GRM8: variants seen among roughly 807,000 people sequenced by gnomAD.
GRM8 encodes metabotropic glutamate receptor 8.
Under a neutral mutation model 87.2 loss-of-function variants are expected in GRM8, and 47 were observed. That is an observed-to-expected ratio of 0.54 (90% CI 0.43 to 0.69). GRM8 has a LOEUF of 0.69. Ranked by LOEUF, GRM8 falls within the 30% of genes least tolerant of loss-of-function variation. The probability of loss-of-function intolerance (pLI) is 0.00; values close to 1 mark genes in which losing one functional copy is unlikely to be tolerated. For missense variants in GRM8, 1,019 were observed against 1,139.2 expected (o/e 0.89, Z 1.52); for synonymous variants, 396 against 404.5 (o/e 0.98, Z 0.25).
intron 3 of GRM8, among the ~76,000 whole-genome samples, chr7:127,071,801 C>T (rs1821719732): frequency 6.6e-6 from 1 of 150,736 alleles, no homozygotes; most frequent in South Asian, 2.1e-4. Flanking sequence ...TTTTTTTTTG[C>T]CAGAAATAAA....
At chr7:126,507,082 G>T (rs979931135) in intron 9 of GRM8, among the ~76,000 whole-genome samples, 2 of 152,078 alleles carry the variant, frequency 1.3e-5, no homozygotes, top group African/African-American at 4.8e-5. Flanking sequence ...TTTACTTTCC[G>T]CAAGTAATTT....
rs373098154 is a variant in GRM8 at position 126,439,082 on chromosome 7, T to C, written c.*37A>G. 5 of 1,262,194 alleles carry C rather than the reference T, an allele frequency of 4.0e-6. No homozygotes were observed. The highest frequency in any genetic ancestry group is 5.8e-6 in the Non-Finnish European group (5 of 859,246). 78.2% of individuals were successfully genotyped at this position (1,262,194 alleles called of 1,614,324 possible). On this transcript the variant is annotated 3_prime_UTR_variant, in exon 11 of 11. Transcript: ENST00000339582. Reference sequence around the variant, plus strand: ...GTCTCATGTTCATCATTTAAGATCATATACCACATCTCTTCAGATTGTGCC... The same window carrying C: ...GTCTCATGTTCATCATTTAAGATCACATACCACATCTCTTCAGATTGTGCC...
At chr7:127,223,500 C>T (rs1219915871) in intron 2 of GRM8, among the ~76,000 whole-genome samples, 3 of 150,896 alleles carry the variant, frequency 2.0e-5, no homozygotes, top group African/African-American at 7.3e-5. Context: ...ACTGTGGACC[C>T]ACCCATACAA....
chr7:126,925,837 C>T (rs963888758), intron 3 of GRM8, among the ~76,000 whole-genome samples: 6 of 152,202 alleles, frequency 3.9e-5, no homozygotes, highest in Middle Eastern at 3.2e-3. Context: ...ACTTACTCTT[C>T]TCCTTCTTCT....
At chr7:126,600,002 T>C (rs894138949) in intron 8 of GRM8, among the ~76,000 whole-genome samples, 6 of 152,280 alleles carry the variant, frequency 3.9e-5, no homozygotes, top group Admixed American at 3.9e-4. Flanking sequence ...CAATGGCCTA[T>C]ATGTTCTTCC....
intron 2 of GRM8, among the ~76,000 whole-genome samples, chr7:127,226,088 T>C (rs1587326817): frequency 6.6e-6 from 1 of 152,210 alleles, no homozygotes; most frequent in South Asian, 2.1e-4. Context: ...ATATAATCAG[T>C]AGTGGCACTG....
chr7:126,496,970 A>T (rs1300342893), intron 9 of GRM8, among the ~76,000 whole-genome samples: 12 of 142,994 alleles, frequency 8.4e-5, no homozygotes, highest in East Asian at 2.1e-4. Context: ...TGAGTTTTGG[A>T]TTTTTTTTTT....
intron 3 of GRM8, among the ~76,000 whole-genome samples, chr7:127,056,822 T>C (rs1172583300): frequency 6.6e-6 from 1 of 152,202 alleles, no homozygotes. Context: ...CCATTTCAAA[T>C]TCCATCAAAA....
At chr7:126,508,322 CA>C (rs143668410) in intron 9 of GRM8, among the ~76,000 whole-genome samples, 29,525 of 151,586 alleles carry the variant, frequency 0.19, 3,372 homozygotes, top group Non-Finnish European at 0.24. Flanking sequence ...AATCCAAGAT[CA>C]AAGAGCTGTT....
At chr7:126,931,466 C>T (rs1266614917) in intron 3 of GRM8, among the ~76,000 whole-genome samples, 1 of 152,026 alleles carries the variant, frequency 6.6e-6, no homozygotes, top group Admixed American at 6.5e-5. Context: ...GGTTAACAAA[C>T]AATAGATTAA....
intron 7 of GRM8, among the ~76,000 whole-genome samples, chr7:126,741,991 C>A (rs532995080): frequency 6.6e-6 from 1 of 152,136 alleles, no homozygotes; most frequent in East Asian, 1.9e-4. Flanking sequence ...TTCCAGGACA[C>A]CTACCCCCCA....
intron 3 of GRM8, among the ~76,000 whole-genome samples, chr7:127,095,087 T>C (rs1244903895): frequency 6.6e-6 from 1 of 152,142 alleles, no homozygotes; most frequent in Non-Finnish European, 1.5e-5. Context: ...TCAGGTAAAG[T>C]TGACAAGGAA....
chr7:127,029,858 T>C (rs991396166), intron 3 of GRM8, among the ~76,000 whole-genome samples: 12 of 152,068 alleles, frequency 7.9e-5, no homozygotes, highest in Non-Finnish European at 1.5e-4. Context: ...CTTTATTTTT[T>C]AGAGTTTTAG....
rs2299528 is a variant in GRM8 at position 127,069,173 on chromosome 7, A to G, written c.727+37323T>C. Among the ~76,000 whole-genome samples, 292 of 152,142 alleles carry G rather than the reference A, an allele frequency of 1.9e-3. 9 individuals are homozygous for G. In the East Asian group the frequency reaches 0.046, roughly 24 times the overall value. ...TGTAACCATTATTTTATTTTTATTT[A>G]TTATTTAAAGACAGCGTCTCACTCT... On this transcript the variant is annotated intron_variant, in intron 3 of 10. Coordinates refer to ENST00000339582, the MANE Select transcript of GRM8 (RefSeq NM_000845.3).
rs531613199 is a variant in GRM8 at position 126,836,698 on chromosome 7, C to T, written c.1156+65844G>A. On this transcript the variant is annotated intron_variant, in intron 6 of 10. Coordinates refer to ENST00000339582, the MANE Select transcript of GRM8 (RefSeq NM_000845.3). ...TTAAATTCAGTCATTGCCTGCCCCA[C>T]ATTCTGAATCAGGTGCTCTATTTTC... 3.9e-5 allele frequency among the ~76,000 whole-genome samples: 6 copies of T among 152,346 alleles called. No homozygotes were observed. The South Asian group carries it at 1.2e-3, about 32-fold the overall frequency.
chr7:126,953,405 C>T (rs1254515922), intron 3 of GRM8, among the ~76,000 whole-genome samples: 4 of 152,072 alleles, frequency 2.6e-5, no homozygotes, highest in Non-Finnish European at 5.9e-5. Flanking sequence ...AGACCGTGGC[C>T]TTAAAAAGCT....
At chr7:126,583,829 G>A (rs563742506) in intron 8 of GRM8, among the ~76,000 whole-genome samples, 1 of 152,282 alleles carries the variant, frequency 6.6e-6, no homozygotes, top group African/African-American at 2.4e-5. Flanking sequence ...TGACAACAAA[G>A]GATTTCAAAT....
intron 2 of GRM8, among the ~76,000 whole-genome samples, chr7:127,227,126 AAC>A: frequency 6.6e-6 from 1 of 152,364 alleles, no homozygotes; most frequent in East Asian, 1.9e-4. Flanking sequence ...CGCAAGGGTT[AAC>A]AGAGGAAGGA....
chr7:126,633,853 TAA>T (rs759920487), intron 7 of GRM8, among the ~76,000 whole-genome samples: 2 of 152,016 alleles, frequency 1.3e-5, no homozygotes, highest in East Asian at 3.9e-4. Flanking sequence ...TGAAAGAATT[TAA>T]GTCCCTATTT....
Sources: gnomAD v4.1 joint callset for allele counts (sites outside exome capture counted in the v4.1 genomes callset) on GRCh38, gnomAD v4.1.1 for gene constraint, MANE v1.5 for transcripts, NCBI Gene and HGNC (gene_info 2026-07-23, HGNC 2026-07-21) for gene names.